SLC2A13: variants seen among roughly 807,000 people sequenced by gnomAD.
SLC2A13 encodes the protein solute carrier family 2 member 13.
Under a neutral mutation model 64.4 loss-of-function variants are expected in SLC2A13, and 32 were observed. The observed-to-expected ratio is 0.50, with a 90% CI of 0.37 to 0.67. The LOEUF (loss-of-function observed/expected upper bound fraction) is 0.67, where lower values mean the gene tolerates loss of function less well. SLC2A13 is among the 30% of genes least tolerant of loss of function. SLC2A13 has a pLI of 0.00. For synonymous variants in SLC2A13, 338 were observed against 327.1 expected (o/e 1.03, Z -0.36); for missense variants, 743 against 829.2 (o/e 0.90, Z 1.28).
chr12:39,914,285 T>C (rs1297735112), intron 4 of SLC2A13, among the ~76,000 whole-genome samples: 1 of 151,976 alleles, frequency 6.6e-6, no homozygotes, highest in Non-Finnish European at 1.5e-5. Flanking sequence ...TACTGAGAAA[T>C]TAAAAAATGA....
In SLC2A13 at chr12:39,811,661, G is replaced by A. The variant is rs565828363; in HGVS notation, c.1445+18442C>T. ...ATTTCTAAGAAGCTCTATTATTAGA[G>A]GAATATACATTTAAGAATTGTATGT... On this transcript the variant is annotated intron_variant, in intron 7 of 9. Coordinates refer to ENST00000280871, the MANE Select transcript of SLC2A13 (RefSeq NM_052885.4). 1.3e-4 allele frequency among the ~76,000 whole-genome samples: 20 copies of A among 152,130 alleles called. No homozygotes were observed. The East Asian group carries it at 3.7e-3, about 28-fold the overall frequency.
chr12:39,798,679 A>G (rs886314202), intron 7 of SLC2A13, among the ~76,000 whole-genome samples: 3 of 152,060 alleles, frequency 2.0e-5, no homozygotes, highest in Non-Finnish European at 4.4e-5. Context: ...GTGCTGAAAG[A>G]CTCGTGAGAC....
chr12:40,087,387 T>C (rs1207154620), intron 1 of SLC2A13, among the ~76,000 whole-genome samples: 1 of 152,202 alleles, frequency 6.6e-6, no homozygotes, highest in Non-Finnish European at 1.5e-5. Context: ...TCATCAGTCA[T>C]GGTCATATTA....
chr12:39,830,106 C>T lies in SLC2A13; in HGVS notation c.1442G>A (p.Gly481Asp), dbSNP rs1942810980. 2 of 1,613,588 alleles carry T rather than the reference C, an allele frequency of 1.2e-6. No homozygotes were observed. Among genetic ancestry groups the T allele is most frequent in the South Asian group, 1.1e-5 (1 of 91,064 alleles). The change falls in exon 7 of 10, where the codon GGC becomes GAC. Residue 481 changes from glycine (G) to aspartate (D), a missense_variant. Around this residue, in one of 2 missense-constraint regions of SLC2A13, gnomAD observed 295 missense variants for 381.7 expected, o/e 0.77. Coordinates refer to ENST00000280871, the MANE Select transcript of SLC2A13 (RefSeq NM_052885.4). The stretch of plus-strand genomic sequence containing the variant: ...TATGGTAAAATGAGTGATATACCTG[C>T]CCCAGGCTGCCTCATTTGTAGATGC... ...NKASTNEAAW[G>D]RCENETKFKT...
At chr12:39,926,675 GCCCAATCATA>G (rs1945735998) in intron 4 of SLC2A13, among the ~76,000 whole-genome samples, 1 of 152,056 alleles carries the variant, frequency 6.6e-6, no homozygotes. Context: ...AAGTGCTGTG[GCCCAATCATA>G]GCTCAATGAA....
chr12:39,834,786 T>C (rs1403893305), intron 6 of SLC2A13, among the ~76,000 whole-genome samples: 1 of 152,112 alleles, frequency 6.6e-6, no homozygotes, highest in Non-Finnish European at 1.5e-5. Context: ...TTTTTCATCA[T>C]ATAGACTATT....
intron 3 of SLC2A13, among the ~76,000 whole-genome samples, chr12:39,997,558 T>A (rs954541055): frequency 1.3e-5 from 2 of 152,152 alleles, no homozygotes; most frequent in East Asian, 1.9e-4. Context: ...AGGCCAGGCA[T>A]AATGGCTCAC....
At chr12:39,788,032 A>G (rs573812360) in intron 7 of SLC2A13, among the ~76,000 whole-genome samples, 3 of 152,320 alleles carry the variant, frequency 2.0e-5, no homozygotes, top group South Asian at 4.1e-4. Context: ...GGACAATTAC[A>G]TAATAATACA....
intron 7 of SLC2A13, among the ~76,000 whole-genome samples, chr12:39,810,809 C>A (rs576258819): frequency 6.6e-6 from 1 of 152,148 alleles, no homozygotes; most frequent in African/African-American, 2.4e-5. Flanking sequence ...ACCATGAATT[C>A]CTTTATATTG....
At chr12:39,944,575 G>A (rs1216293906) in intron 4 of SLC2A13, among the ~76,000 whole-genome samples, 1 of 152,176 alleles carries the variant, frequency 6.6e-6, no homozygotes, top group Non-Finnish European at 1.5e-5. Context: ...GTTGGACAAG[G>A]CCTTTTACCA....
chr12:39,797,945 T>C (rs1024120672), intron 7 of SLC2A13, among the ~76,000 whole-genome samples: 2 of 152,238 alleles, frequency 1.3e-5, no homozygotes, highest in African/African-American at 4.8e-5. Context: ...CTAGTGTTCA[T>C]GCCCTTGTGT....
intron 4 of SLC2A13, among the ~76,000 whole-genome samples, chr12:39,900,142 C>G (rs145158678): frequency 0.014 from 1,774 of 128,292 alleles, 29 homozygotes; most frequent in African/African-American, 0.045. Flanking sequence ...ATTCAACAAC[C>G]CTTCAGGCTA....
At chr12:40,082,252 C>T (rs1371909819) in intron 1 of SLC2A13, among the ~76,000 whole-genome samples, 2 of 152,198 alleles carry the variant, frequency 1.3e-5, no homozygotes, top group East Asian at 3.9e-4. Context: ...AGTTAAAAGC[C>T]AGGAGGTTAA....
intron 7 of SLC2A13, among the ~76,000 whole-genome samples, chr12:39,806,877 C>T (rs1163211585): frequency 6.6e-6 from 1 of 152,006 alleles, no homozygotes; most frequent in East Asian, 1.9e-4. Flanking sequence ...TCATACTATA[C>T]AATACTACTC....
chr12:39,849,341 C>T (rs1279699053), intron 6 of SLC2A13, among the ~76,000 whole-genome samples: 1 of 152,108 alleles, frequency 6.6e-6, no homozygotes, highest in East Asian at 1.9e-4. Flanking sequence ...GTTACTTGGA[C>T]AGCATGAAAG....
chr12:40,038,858 C>G (rs1948034848), intron 2 of SLC2A13, among the ~76,000 whole-genome samples: 1 of 151,790 alleles, frequency 6.6e-6, no homozygotes, highest in Non-Finnish European at 1.5e-5. Context: ...CTACAAATGT[C>G]AGTTTTGACA....
At chr12:39,919,482 T>C (rs968252020) in intron 4 of SLC2A13, among the ~76,000 whole-genome samples, 6 of 152,108 alleles carry the variant, frequency 3.9e-5, no homozygotes, top group Admixed American at 2.0e-4. Flanking sequence ...CATCCCACTT[T>C]TGTTTTTCAG....
At chr12:39,896,196 G>A (rs570467620) in intron 4 of SLC2A13, among the ~76,000 whole-genome samples, 1 of 146,188 alleles carries the variant, frequency 6.8e-6, no homozygotes, top group Non-Finnish European at 1.5e-5. Context: ...GTATATATGT[G>A]TATGTATACA....
chr12:39,889,784 C>A (rs776226667), intron 4 of SLC2A13, among the ~76,000 whole-genome samples: 61 of 152,172 alleles, frequency 4.0e-4, no homozygotes, highest in Admixed American at 7.2e-4. Flanking sequence ...CCCGCCTTGG[C>A]CTCCCAAAGT....
Sources: allele counts gnomAD v4.1 joint callset (sites outside exome capture counted in the v4.1 genomes callset), GRCh38; gene constraint gnomAD v4.1.1; regional missense constraint gnomAD v4.1.1; transcripts MANE v1.5; gene names NCBI Gene and HGNC (gene_info 2026-07-23, HGNC 2026-07-21).